The following KCNJ15 variants were observed in gnomAD, a reference collection of about 807,000 sequenced individuals.
KCNJ15 encodes the protein potassium inwardly rectifying channel subfamily J member 15, also known as ATP-sensitive inward rectifier potassium channel 15.
In KCNJ15, 14 loss-of-function variants were observed where a neutral mutation model predicts 23.0. The ratio of observed to expected loss-of-function variants is 0.61; its 90% CI spans 0.40 to 0.95. The LOEUF is 0.95. Ranked by LOEUF, KCNJ15 falls within the 40% of genes least tolerant of loss-of-function variation. The pLI is 0.00. For missense variants in KCNJ15, 388 were observed against 461.8 expected (o/e 0.84, Z 1.46); for synonymous variants, 185 against 183.2 (o/e 1.01, Z -0.08).
intron 1 of KCNJ15, among the ~76,000 whole-genome samples, chr21:38,232,606 A>C (rs1466405011): frequency 6.6e-6 from 1 of 151,820 alleles, no homozygotes; most frequent in African/African-American, 2.4e-5. Context: ...TCTTCTAAAC[A>C]TTGCTTTAAC....
upstream of KCNJ15, among the ~76,000 whole-genome samples, chr21:38,255,971 C>A (rs1216203584): frequency 6.6e-6 from 1 of 152,172 alleles, no homozygotes; most frequent in African/African-American, 2.4e-5. Flanking sequence ...CGTCTCTTGG[C>A]ATTGCCTTTG....
Position 38,305,401 on chromosome 21 carries a change from C to G in KCNJ15, c.*5012C>G, listed in dbSNP as rs1161434707. 2 of 152,026 alleles carry G rather than the reference C, an allele frequency of 1.3e-5. No homozygotes were observed. The highest frequency in any genetic ancestry group is 4.8e-5 in the African/African-American group (2 of 41,380). 9.4% of individuals were successfully genotyped at this position (152,026 alleles called of 1,614,324 possible). On this transcript the variant is annotated 3_prime_UTR_variant, in exon 3 of 3. Coordinates refer to ENST00000398938, the MANE Select transcript of KCNJ15 (RefSeq NM_170736.3). ...TTGGCAGTGTGTAAAAATAGAAGAC[C>G]AAGAGAAGGCGGTTGATTGGAGTTG... is the stretch of plus-strand genomic sequence containing the variant.
upstream of KCNJ15, among the ~76,000 whole-genome samples, chr21:38,256,297 A>G (rs1980220423): frequency 6.6e-6 from 1 of 150,486 alleles, no homozygotes. Flanking sequence ...AGATTCCAAC[A>G]TGTATCCCGA....
chr21:38,244,361 G>T (rs778002272), intron 1 of KCNJ15, among the ~76,000 whole-genome samples: 11 of 152,170 alleles, frequency 7.2e-5, no homozygotes, highest in Non-Finnish European at 1.6e-4. Context: ...CTTAGTTCAA[G>T]CTCTAAAAAT....
chr21:38,230,538 A>G (rs1007483122), intron 1 of KCNJ15, among the ~76,000 whole-genome samples: 1 of 151,646 alleles, frequency 6.6e-6, no homozygotes, highest in Non-Finnish European at 1.5e-5. Context: ...TAATTATACT[A>G]TTGTCCAAAT....
Position 38,307,145 on chromosome 21 carries a change from AC to A in KCNJ15, c.*6757del, listed in dbSNP as rs1986084328. Reference sequence around the variant, plus strand: ...GGTGCATGTCGGAAATCTCACACTAACTGTGGATACTCTGTCATCACTGAAC... The same window carrying A: ...GGTGCATGTCGGAAATCTCACACTAATGTGGATACTCTGTCATCACTGAAC... On this transcript the variant is annotated 3_prime_UTR_variant, in exon 3 of 3. Coordinates refer to ENST00000398938, the MANE Select transcript of KCNJ15 (RefSeq NM_170736.3). 1 of 152,192 alleles carries A rather than the reference AC, an allele frequency of 6.6e-6. No homozygotes were observed. Among genetic ancestry groups the A allele is most frequent in the Non-Finnish European group, 1.5e-5 (1 of 68,046 alleles). 9.4% of individuals were successfully genotyped at this position (152,192 alleles called of 1,614,324 possible).
intron 1 of KCNJ15, among the ~76,000 whole-genome samples, chr21:38,270,968 T>C (rs1329623949): frequency 6.6e-6 from 1 of 151,070 alleles, no homozygotes; most frequent in Non-Finnish European, 1.5e-5. Context: ...GCCTGGTTTC[T>C]CCAACAGCCA....
At chr21:38,283,876 T>C (rs981673054) in intron 1 of KCNJ15, among the ~76,000 whole-genome samples, 2 of 152,172 alleles carry the variant, frequency 1.3e-5, no homozygotes, top group African/African-American at 4.8e-5. Flanking sequence ...TTGTGTTTCT[T>C]GGACTGATGG....
Position 38,256,991 on chromosome 21 carries a change from A to T in KCNJ15, c.-311A>T, listed in dbSNP as rs1250923414. ...CCCAATCTCTTTCCTTTCTCTCTTC[A>T]GTTCCTCCAGGTAATTCTTACTCAA... On this transcript the variant is annotated 5_prime_UTR_variant, in exon 1 of 3. Coordinates refer to ENST00000398938, the MANE Select transcript of KCNJ15 (RefSeq NM_170736.3). 7.3e-6 allele frequency: 1 copy of T among 136,396 alleles called. No individual in the cohort carries two copies. The highest frequency in any genetic ancestry group is 2.8e-5 in the African/African-American group (1 of 36,214). The allele number at this position is 136,396 out of a possible 1,614,324, so 8.4% of individuals were successfully genotyped here.
intron 1 of KCNJ15, among the ~76,000 whole-genome samples, chr21:38,290,814 C>A (rs571731885): frequency 1.3e-5 from 2 of 152,174 alleles, no homozygotes; most frequent in East Asian, 3.9e-4. Flanking sequence ...AAGAGAGATA[C>A]CTACCCGTAA....
In KCNJ15 at chr21:38,299,050, T is replaced by G. The variant is rs2146352787; in HGVS notation, c.-18-194T>G. Among the ~76,000 whole-genome samples, 1 of 152,342 alleles carries G rather than the reference T, an allele frequency of 6.6e-6. No individual in the cohort carries two copies. The highest frequency in any genetic ancestry group is 6.5e-5 in the Admixed American group (1 of 15,304). ...GCAGAGTCAGCATTTAACCCCGGTC[T>G]GCTTTTCTGCAAAGCCTCTGCTCCT... On this transcript the variant is annotated intron_variant, in intron 2 of 2. Coordinates refer to ENST00000398938, the MANE Select transcript of KCNJ15 (RefSeq NM_170736.3). The surrounding 1 kb of genome is among the most constrained non-coding windows in gnomAD (Gnocchi z 4.5).
rs1222273488 is a variant in KCNJ15, at chr21:38,303,379, A to G, written c.*2990A>G. 1 of 152,094 alleles carries G rather than the reference A, an allele frequency of 6.6e-6. No individual in the cohort carries two copies. Among genetic ancestry groups the G allele is most frequent in the East Asian group, 1.9e-4 (1 of 5,168 alleles). 9.4% of individuals were successfully genotyped at this position (152,094 alleles called of 1,614,324 possible). A position where few individuals can be genotyped will look rare whatever the true frequency, so the allele number is the denominator to read the frequency against. ...TAGGTTTTCTCAATGAGACCATTAAAAAACGTTGTGTTCCATTTGAGAAAC... is the reference window on the plus strand; with the variant it reads ...TAGGTTTTCTCAATGAGACCATTAAGAAACGTTGTGTTCCATTTGAGAAAC... On this transcript the variant is annotated 3_prime_UTR_variant, in exon 3 of 3. Coordinates refer to ENST00000398938, the MANE Select transcript of KCNJ15 (RefSeq NM_170736.3).
chr21:38,245,315 C>T (rs747181442), intron 1 of KCNJ15, among the ~76,000 whole-genome samples: 4 of 151,572 alleles, frequency 2.6e-5, no homozygotes, highest in Non-Finnish European at 5.9e-5. Flanking sequence ...CACCCCAGAC[C>T]AATGAAATCA....
chr21:38,239,289 T>C (rs1395085833), intron 1 of KCNJ15, among the ~76,000 whole-genome samples: 1 of 152,218 alleles, frequency 6.6e-6, no homozygotes, highest in Non-Finnish European at 1.5e-5. Flanking sequence ...CACAGGTTGC[T>C]GTTTGACCAC....
At position 38,302,757 on chromosome 21, in the gene KCNJ15, T is replaced by C. The variant is rs1305745806; in HGVS notation, c.*2368T>C. The stretch of plus-strand genomic sequence containing the variant: ...AAATCTTGTTCATTTATATTGTATA[T>C]GGTACAAGGACGTAGCATAAGATCC... On this transcript the variant is annotated 3_prime_UTR_variant, in exon 3 of 3. Transcript: ENST00000398938. 1 of 152,204 alleles carries C rather than the reference T, an allele frequency of 6.6e-6. No homozygotes were observed. The highest frequency in any genetic ancestry group is 1.5e-5 in the Non-Finnish European group (1 of 68,032). 9.4% of individuals were successfully genotyped at this position (152,204 alleles called of 1,614,324 possible).
chr21:38,275,351 C>A (rs1982558343), intron 1 of KCNJ15, among the ~76,000 whole-genome samples: 1 of 151,876 alleles, frequency 6.6e-6, no homozygotes, highest in African/African-American at 2.4e-5. Context: ...GTGTAGTTCC[C>A]AATATGGCCT....
chr21:38,266,950 T>C (rs987566987), intron 1 of KCNJ15, among the ~76,000 whole-genome samples: 4 of 152,126 alleles, frequency 2.6e-5, no homozygotes, highest in African/African-American at 9.7e-5. Flanking sequence ...CATTGAATAT[T>C]TTGGTTTTCT....
intron 1 of KCNJ15, among the ~76,000 whole-genome samples, chr21:38,235,224 T>C (rs890375656): frequency 1.3e-5 from 2 of 152,194 alleles, no homozygotes; most frequent in Non-Finnish European, 2.9e-5. Flanking sequence ...CAAACTGCTT[T>C]GAGATTTAAC....
At chr21:38,256,380 A>ATATATATAT (rs1555882102), upstream of KCNJ15, among the ~76,000 whole-genome samples, 13 of 136,052 alleles carry the variant, frequency 9.6e-5, no homozygotes, top group South Asian at 2.3e-4. Context: ...ATATATATAT[A>ATATATATAT]ATATTTATCA....
Sources: allele counts gnomAD v4.1 joint callset (sites outside exome capture counted in the v4.1 genomes callset), GRCh38; gene constraint gnomAD v4.1.1; non-coding constraint Gnocchi (gnomAD v3.1); transcripts MANE v1.5; gene names NCBI Gene and HGNC (gene_info 2026-07-23, HGNC 2026-07-21).